The following KLHL2 variants were observed in gnomAD, a reference collection of about 807,000 sequenced individuals.
KLHL2 encodes kelch-like protein 2.
Under a neutral mutation model 75.8 loss-of-function variants are expected in KLHL2, and 15 were observed. The ratio of observed to expected loss-of-function variants is 0.20; its 90% confidence interval spans 0.13 to 0.30. The LOEUF is 0.30. Ranked by LOEUF, KLHL2 falls within the 10% of genes least tolerant of loss-of-function variation. The pLI is 1.00. For synonymous variants in KLHL2, 214 were observed against 251.9 expected, an observed-to-expected ratio of 0.85 and a Z score of 1.42; for missense variants, 381 against 741.0, an observed-to-expected ratio of 0.51 and a Z score of 5.64.
chr4:165,301,419 A>C (rs961435795), intron 8 of KLHL2, among the ~76,000 whole-genome samples: 2 of 152,192 alleles, frequency 1.3e-5, no homozygotes, highest in Non-Finnish European at 2.9e-5. Flanking sequence ...ATCTATCCTC[A>C]GTTCTCTGAG....
intron 4 of KLHL2, among the ~76,000 whole-genome samples, chr4:165,250,241 T>C (rs2111162144): frequency 6.6e-6 from 1 of 152,354 alleles, no homozygotes. Flanking sequence ...TCCACCCATT[T>C]TGAGTGGATG....
At position 165,294,414 on chromosome 4, in the gene KLHL2, A is replaced by G. The variant is rs766235226; in HGVS notation, c.600A>G (p.Glu200=). The change falls in exon 6 of 15, where the codon GAA becomes GAG. Residue 200 remains glutamate, a synonymous_variant. Coordinates refer to ENST00000226725, the MANE Select transcript of KLHL2 (RefSeq NM_007246.4). ...AAGAATTTCTCAATCTTGGCATCGA[A>G]CAAGTGTGCAGCTTAATCTCAAGTG... ...LSEEFLNLGI[E]QVCSLISSDK... is the part of the protein sequence containing the mutation. 6.2e-7 allele frequency: 1 copy of G among 1,612,190 alleles called. No individual in the cohort carries two copies. The highest frequency in any genetic ancestry group is 1.7e-5 in the Admixed American group (1 of 60,022).
intron 5 of KLHL2, among the ~76,000 whole-genome samples, chr4:165,288,452 G>A (rs1264882115): frequency 6.6e-6 from 1 of 152,086 alleles, no homozygotes; most frequent in Non-Finnish European, 1.5e-5. Context: ...GAGAGGATAA[G>A]TAATCCATTC....
In KLHL2 at chr4:165,238,805, G is replaced by A. The variant is rs996825071; in HGVS notation, c.287G>A (p.Arg96Lys). 9 of 1,614,070 alleles carry A rather than the reference G, an allele frequency of 5.6e-6. No individual in the cohort carries two copies. The highest frequency in any genetic ancestry group is 7.6e-6 in the Non-Finnish European group (9 of 1,180,012). Reference protein sequence around the residue: ...TGEMSESRAKRVRIKEVDGWT... With the variant: ...TGEMSESRAKKVRIKEVDGWT... ...GAGATGAGTGAGAGCCGAGCAAAGAGAGTTAGAATAAAAGAGGTAGATGGC... is the reference window on the plus strand; with the variant it reads ...GAGATGAGTGAGAGCCGAGCAAAGAAAGTTAGAATAAAAGAGGTAGATGGC... Residue 96 changes from arginine to lysine, a missense_variant, in exon 4 of 15, where the codon AGA (arginine) becomes AAA (lysine). By Grantham distance (26) the Arg-to-Lys change is conservative. Coordinates refer to ENST00000226725, the MANE Select transcript of KLHL2 (RefSeq NM_007246.4).
intron 13 of KLHL2, among the ~76,000 whole-genome samples, chr4:165,315,017 G>A (rs1579190932): frequency 6.6e-6 from 1 of 152,110 alleles, no homozygotes; most frequent in East Asian, 1.9e-4. Flanking sequence ...ACTGTTGGCA[G>A]CAGACCAGAA....
intron 3 of KLHL2, among the ~76,000 whole-genome samples, chr4:165,230,082 G>T (rs1186587654): frequency 6.6e-6 from 1 of 152,276 alleles, no homozygotes; most frequent in Non-Finnish European, 1.5e-5. Context: ...CAATACCCGT[G>T]AAGTGAGACT....
At chr4:165,208,754 A>G (rs1737010776) in intron 1 of KLHL2, among the ~76,000 whole-genome samples, 1 of 152,136 alleles carries the variant, frequency 6.6e-6, no homozygotes, top group Non-Finnish European at 1.5e-5. Context: ...CTCTTCTCTT[A>G]GGAAGGAACA....
At chr4:165,310,498 T>G in intron 9 of KLHL2, 55 bp from the exon 10 acceptor site, 2 of 1,384,288 alleles carry the variant, frequency 1.4e-6, no homozygotes, top group Non-Finnish European at 2.1e-6. Flanking sequence ...AATCTTTGGA[T>G]ATTGGTGGTA....
At chr4:165,269,964 C>T (rs771257694) in intron 5 of KLHL2, among the ~76,000 whole-genome samples, 7 of 152,176 alleles carry the variant, frequency 4.6e-5, no homozygotes, top group African/African-American at 9.7e-5. Flanking sequence ...ACCAATCAAA[C>T]GTATATTTGG....
At chr4:165,222,699 C>G (rs1052534453) in intron 2 of KLHL2, among the ~76,000 whole-genome samples, 30 of 152,190 alleles carry the variant, frequency 2.0e-4, no homozygotes, top group African/African-American at 6.3e-4. Flanking sequence ...AAAAAAATCT[C>G]TAAAGAGGCC....
chr4:165,319,068 A>G lies in KLHL2; in HGVS notation c.1753+1099A>G, dbSNP rs1334952823. 6.6e-6 allele frequency among the ~76,000 whole-genome samples: 1 copy of G among 152,206 alleles called. No homozygotes were observed. Among genetic ancestry groups the G allele is most frequent in the Non-Finnish European group, 1.5e-5 (1 of 68,036 alleles). ...AATGTGAACAAACCACAAAGATACA[A>G]TATTAAATCATAACTGCATGAAATT... On this transcript the variant is annotated intron_variant, in intron 14 of 14. Coordinates refer to ENST00000226725, the MANE Select transcript of KLHL2 (RefSeq NM_007246.4). The surrounding 1 kb of genome is among the most constrained non-coding windows in gnomAD (Gnocchi z 4.5).
intron 3 of KLHL2, among the ~76,000 whole-genome samples, chr4:165,237,609 T>C (rs1157475498): frequency 6.6e-6 from 1 of 152,208 alleles, no homozygotes; most frequent in African/African-American, 2.4e-5. Flanking sequence ...CCATAGACTT[T>C]TCTGATAGTT....
chr4:165,290,604 G>T (rs1011130554), intron 5 of KLHL2, among the ~76,000 whole-genome samples: 8 of 152,108 alleles, frequency 5.3e-5, no homozygotes, highest in African/African-American at 1.7e-4. Flanking sequence ...TTCTGGTAAA[G>T]TCAGGAATTA....
At chr4:165,300,720 T>A (rs1408409740) in intron 8 of KLHL2, among the ~76,000 whole-genome samples, 2 of 152,236 alleles carry the variant, frequency 1.3e-5, no homozygotes, top group Admixed American at 6.5e-5. Flanking sequence ...GAATGACTCA[T>A]AATATAAAGA....
intron 1 of KLHL2, 133 bp from the exon 2 acceptor site, chr4:165,219,801 T>G: frequency 1.0e-5 from 14 of 1,365,852 alleles, no homozygotes; most frequent in South Asian, 9.7e-5. Flanking sequence ...CATTGGGATA[T>G]TCTGTCCATG....
In KLHL2 at chr4:165,305,700, G is replaced by A. The variant is rs1246277435; in HGVS notation, c.1014G>A (p.Glu338=). The A allele has an allele frequency of 8.7e-6, 14 of 1,613,924 alleles. No homozygotes were observed. Among genetic ancestry groups the A allele is most frequent in the Non-Finnish European group, 1.2e-5 (14 of 1,179,906 alleles). The change falls in exon 9 of 15, where the codon GAG becomes GAA. Residue 338 remains glutamate, a synonymous_variant. Coordinates refer to ENST00000226725, the MANE Select transcript of KLHL2 (RefSeq NM_007246.4). ...FKEERWHQVA[E]LPSRRCRAGM... is the part of the protein sequence containing the mutation. ...AAGAAAGGTGGCACCAAGTAGCAGA[G>A]TTGCCTTCCAGGAGGTGCAGGGCAG...
intron 13 of KLHL2, among the ~76,000 whole-genome samples, chr4:165,316,001 A>G (rs999880144): frequency 1.3e-5 from 2 of 152,322 alleles, no homozygotes; most frequent in Non-Finnish European, 2.9e-5. Flanking sequence ...TAGGTTCTCA[A>G]TATGAATTTG....
intron 5 of KLHL2, among the ~76,000 whole-genome samples, chr4:165,274,908 T>C (rs1179906953): frequency 6.7e-6 from 1 of 149,512 alleles, no homozygotes; most frequent in Non-Finnish European, 1.5e-5. Flanking sequence ...GAATCCACGC[T>C]GCTCACCCCG....
chr4:165,242,439 C>G (rs970150776), intron 4 of KLHL2, among the ~76,000 whole-genome samples: 1 of 152,154 alleles, frequency 6.6e-6, no homozygotes, highest in Non-Finnish European at 1.5e-5. Context: ...AATCCATGTA[C>G]CTTGCTGCTT....
Sources: allele counts gnomAD v4.1 joint callset (sites outside exome capture counted in the v4.1 genomes callset), GRCh38; gene constraint gnomAD v4.1.1; non-coding constraint Gnocchi (gnomAD v3.1); transcripts MANE v1.5; gene names NCBI Gene and HGNC (gene_info 2026-07-23, HGNC 2026-07-21).